The following MKRN2 variants were observed in gnomAD, a reference collection of about 807,000 sequenced individuals.
MKRN2 encodes E3 ubiquitin-protein ligase makorin-2.
MKRN2 carries 32 observed loss-of-function variants against 45.4 expected under a neutral mutation model. The observed-to-expected ratio is 0.70, with a 90% CI of 0.53 to 0.95. MKRN2 has a LOEUF of 0.95. Ranked by LOEUF, MKRN2 falls within the 40% of genes least tolerant of loss-of-function variation. The pLI is 0.00. For missense variants in MKRN2, 526 were observed against 536.7 expected (o/e 0.98, Z 0.20); for synonymous variants, 206 against 192.4 (o/e 1.07, Z -0.59).
chr3:12,578,976 G>A (rs1235355621), intron 6 of MKRN2, among the ~76,000 whole-genome samples: 1 of 150,070 alleles, frequency 6.7e-6, no homozygotes, highest in Non-Finnish European at 1.5e-5. Flanking sequence ...GCCCCAGCCT[G>A]TAGAAAAGGG....
Position 12,578,121 on chromosome 3 carries a change from T to C in MKRN2, c.968+1380T>C, listed in dbSNP as rs372754730. Among the ~76,000 whole-genome samples, 19 of 152,282 alleles carry C rather than the reference T, an allele frequency of 1.2e-4. No individual in the cohort carries two copies. The South Asian group carries it at 3.7e-3, about 30-fold the overall frequency. The stretch of plus-strand genomic sequence containing the variant: ...GAGTTAGTCAGATTTGGGCAGAGTT[T>C]ATACACAGCCTTTGAGCACTTTTTC... On this transcript the variant is annotated intron_variant, in intron 6 of 7. Coordinates refer to ENST00000170447, the MANE Select transcript of MKRN2 (RefSeq NM_014160.5).
chr3:12,581,716 C>T lies in MKRN2; in HGVS notation c.969-92C>T, dbSNP rs140795476. The T allele has an allele frequency of 2.8e-4, 398 of 1,420,668 alleles. 1 individual carries two copies. The African/African-American group carries it at 4.9e-3, about 17-fold the overall frequency. 88.0% of individuals were successfully genotyped at this position (1,420,668 alleles called of 1,614,324 possible). A position where few individuals can be genotyped will look rare whatever the true frequency, so the allele number is the denominator to read the frequency against. On this transcript the variant is annotated intron_variant, in intron 6 of 7. Transcript: ENST00000170447. ...GAATGTGAGGCTGACCTACCTCTGGCGTAAGGGTGGTAAGGATGGAGGCAG... is the reference window on the plus strand; with the variant it reads ...GAATGTGAGGCTGACCTACCTCTGGTGTAAGGGTGGTAAGGATGGAGGCAG...
intron 5 of MKRN2, among the ~76,000 whole-genome samples, chr3:12,575,798 C>T (rs1477895453): frequency 6.6e-6 from 1 of 152,134 alleles, no homozygotes; most frequent in Non-Finnish European, 1.5e-5. Flanking sequence ...GTGCCTGGCC[C>T]CTTTCACTGA....
chr3:12,582,384 T>TC lies in MKRN2; in HGVS notation c.*131_*132insC, dbSNP rs1473092415. ...ATTTGAGTGGAGTTGGGCTTAGCCT[T>TC]AGTCTCATTCAATCTCCATTATTAC... On this transcript the variant is annotated 3_prime_UTR_variant, in exon 8 of 8. Coordinates refer to ENST00000170447, the MANE Select transcript of MKRN2 (RefSeq NM_014160.5). The TC allele has an allele frequency of 8.7e-7, 1 of 1,150,152 alleles. No individual in the cohort carries two copies. Among genetic ancestry groups the TC allele is most frequent in the East Asian group, 2.4e-5 (1 of 42,130 alleles). The allele number at this position is 1,150,152 out of a possible 1,614,324, so 71.2% of individuals were successfully genotyped here. A position where few individuals can be genotyped will look rare whatever the true frequency, so the allele number is the denominator to read the frequency against.
intron 1 of MKRN2, among the ~76,000 whole-genome samples, chr3:12,565,420 T>C (rs1349580598): frequency 6.6e-6 from 1 of 152,172 alleles, no homozygotes; most frequent in East Asian, 1.9e-4. Context: ...ATAGGTTGTT[T>C]TATACTTCAT....
At chr3:12,563,483 C>CTT (rs769910086) in intron 1 of MKRN2, among the ~76,000 whole-genome samples, 32 of 101,380 alleles carry the variant, frequency 3.2e-4, no homozygotes, top group South Asian at 3.3e-4. Context: ...TTGTCTAGTT[C>CTT]TTTTTTTTTT....
intron 4 of MKRN2, among the ~76,000 whole-genome samples, chr3:12,573,068 G>T (rs922528952): frequency 6.6e-6 from 1 of 152,164 alleles, no homozygotes; most frequent in Non-Finnish European, 1.5e-5. Context: ...TCATGGTTGG[G>T]ATCCAGCTAG....
At chr3:12,575,382 G>A (rs771977071) in intron 5 of MKRN2, among the ~76,000 whole-genome samples, 1 of 152,134 alleles carries the variant, frequency 6.6e-6, no homozygotes, top group Non-Finnish European at 1.5e-5. Context: ...CACCAAAAAC[G>A]AAAATAGGGT....
intron 2 of MKRN2, 98 bp from the exon 3 acceptor site, chr3:12,569,973 A>T: frequency 8.3e-7 from 1 of 1,202,498 alleles, no homozygotes; most frequent in Admixed American, 2.4e-5. Context: ...TCTTCACCTC[A>T]ACAAGTGCAG....
chr3:12,559,170 G>A (rs899821721), intron 1 of MKRN2, among the ~76,000 whole-genome samples: 3 of 152,180 alleles, frequency 2.0e-5, no homozygotes, highest in African/African-American at 7.2e-5. Context: ...CAGGGCTCCC[G>A]ATGACTGCCT....
Position 12,581,943 on chromosome 3 carries a change from C to T in MKRN2, c.1104C>T (p.Gly368=), listed in dbSNP as rs2058182785. 1 of 1,613,972 alleles carries T rather than the reference C, an allele frequency of 6.2e-7. No homozygotes were observed. Among genetic ancestry groups the T allele is most frequent in the Non-Finnish European group, 8.5e-7 (1 of 1,180,026 alleles). The change falls in exon 7 of 8, where the codon GGC becomes GGT. Residue 368 remains glycine (G), a synonymous_variant. Coordinates refer to ENST00000170447, the MANE Select transcript of MKRN2 (RefSeq NM_014160.5). The part of the protein sequence containing the change: ...EKPRKQLSSQ[G]TVRFFNSVRL... The stretch of plus-strand genomic sequence containing the variant: ...CTCGGAAACAGCTCAGTTCTCAAGG[C>T]ACTGTGAGGGTAAGGACTTTAGCCA...
At chr3:12,558,414 T>G (rs2058003019) in intron 1 of MKRN2, among the ~76,000 whole-genome samples, 1 of 152,174 alleles carries the variant, frequency 6.6e-6, no homozygotes, top group South Asian at 2.1e-4. Flanking sequence ...CCTAGGTCAT[T>G]GTGCACTGTA....
Position 12,576,657 on chromosome 3 carries a change from C to A in MKRN2, c.884C>A (p.Ser295Ter). The stretch of plus-strand genomic sequence containing the variant: ...TCTTGTCCAGAATGCCGTGTGATAT[C>A]AGAGTTTGTAATTCCAAGTGTGTAT... ...IKSCPECRVI[S>*]EFVIPSVYWV... Residue 295 changes from serine (S) to a stop codon, truncating the protein, a stop_gained, in exon 6 of 8, where the codon TCA (serine) becomes TAA (stop). Coordinates refer to ENST00000170447, the MANE Select transcript of MKRN2 (RefSeq NM_014160.5). LOFTEE classifies it high-confidence loss of function. The A allele has an allele frequency of 6.2e-7, 1 of 1,607,032 alleles. No homozygotes were observed. Among genetic ancestry groups the A allele is most frequent in the Non-Finnish European group, 8.5e-7 (1 of 1,174,040 alleles).
At chr3:12,562,955 T>C (rs2058048369) in intron 1 of MKRN2, among the ~76,000 whole-genome samples, 1 of 152,156 alleles carries the variant, frequency 6.6e-6, no homozygotes, top group African/African-American at 2.4e-5. Flanking sequence ...AAATGTAATG[T>C]GCTTGAATCA....
intron 2 of MKRN2, 93 bp from the exon 3 acceptor site, chr3:12,569,978 G>A (rs911934743): frequency 2.9e-5 from 36 of 1,237,934 alleles, no homozygotes; most frequent in Non-Finnish European, 3.9e-5. Context: ...ACCTCAACAA[G>A]TGCAGCAGAA....
intron 1 of MKRN2, among the ~76,000 whole-genome samples, chr3:12,565,198 A>G (rs973653040): frequency 5.9e-5 from 9 of 152,216 alleles, no homozygotes; most frequent in African/African-American, 2.2e-4. Context: ...AGAAACTGTC[A>G]AACTGTCTTC....
chr3:12,581,814 A>G lies in MKRN2; in HGVS notation c.975A>G (p.Lys325=), dbSNP rs772223502. 1.5e-5 allele frequency: 25 copies of G among 1,613,776 alleles called. No individual in the cohort carries two copies. The African/African-American group carries it at 3.2e-4, about 21-fold the overall frequency. Residue 325 remains lysine, a synonymous_variant, in exon 7 of 8, where the codon AAA becomes AAG. Coordinates refer to ENST00000170447, the MANE Select transcript of MKRN2 (RefSeq NM_014160.5). ...IEAFKQGMGK[K]ACKYFEQGKG... ...TTTTCTTTCTGCTTTTCAGGAAAAA[A>G]GCCTGTAAATACTTTGAGCAAGGCA...
intron 6 of MKRN2, chr3:12,577,304 T>C (rs956415772): frequency 6.6e-6 from 1 of 152,154 alleles, no homozygotes; most frequent in African/African-American, 2.4e-5. Context: ...GAGTGGTTTT[T>C]CTCTACGCTT....
At chr3:12,573,684 G>C (rs574056612) in intron 4 of MKRN2, among the ~76,000 whole-genome samples, 1 of 152,188 alleles carries the variant, frequency 6.6e-6, no homozygotes, top group African/African-American at 2.4e-5. Context: ...ACAAGGTCAG[G>C]AGATTGAGAC....
Sources: allele counts gnomAD v4.1 joint callset (sites outside exome capture counted in the v4.1 genomes callset), GRCh38; gene constraint gnomAD v4.1.1; transcripts MANE v1.5; gene names NCBI Gene and HGNC (gene_info 2026-07-23, HGNC 2026-07-21).